The following KLF12 variants were observed in gnomAD, a reference collection of about 807,000 sequenced individuals.
KLF12 encodes the protein Krueppel-like factor 12.
A neutral mutation model predicts 37.8 loss-of-function variants in KLF12; 9 were observed. That is an observed-to-expected ratio of 0.24 (90% CI 0.14 to 0.42). The LOEUF (loss-of-function observed/expected upper bound fraction) is 0.42. KLF12 is among the 10% of genes least tolerant of loss of function. The pLI, the probability that KLF12 is intolerant of heterozygous loss-of-function variation, is 1.00. For synonymous variants in KLF12, 208 were observed against 202.1 expected (o/e 1.03, Z -0.25); for missense variants, 411 against 516.0 (o/e 0.80, Z 1.97).
At chr13:73,853,755 G>A (rs149975301) in intron 3 of KLF12, among the ~76,000 whole-genome samples, 1 of 148,212 alleles carries the variant, frequency 6.7e-6, no homozygotes, top group African/African-American at 2.5e-5. Context: ...AAAAAAAAAT[G>A]GTAAGCAGAC....
chr13:74,000,570 T>G (rs1246002054), intron 1 of KLF12, among the ~76,000 whole-genome samples: 4 of 152,208 alleles, frequency 2.6e-5, no homozygotes, highest in Non-Finnish European at 5.9e-5. Context: ...TCTTCACTAC[T>G]TAAAATAGCA....
At chr13:74,187,752 C>A in the KLF12 span, among the ~76,000 whole-genome samples, 1 of 152,102 alleles carries the variant, frequency 6.6e-6, no homozygotes, top group Non-Finnish European at 1.5e-5. Flanking sequence ...ACTCAGCAAG[C>A]CTTCATTCTG....
chr13:74,211,191 C>T, the KLF12 span, among the ~76,000 whole-genome samples: 1 of 152,164 alleles, frequency 6.6e-6, no homozygotes, highest in South Asian at 2.1e-4. Flanking sequence ...TGCTCAATGG[C>T]ATCTCTGAAT....
At chr13:73,845,734 T>A in intron 4 of KLF12, 93 bp downstream of exon 4, 3 of 1,123,870 alleles carry the variant, frequency 2.7e-6, no homozygotes, top group South Asian at 1.5e-5. Flanking sequence ...CTTCTTTAGA[T>A]GTAGTGTTTG....
chr13:73,705,199 A>G (rs1874845442), intron 7 of KLF12, among the ~76,000 whole-genome samples: 1 of 152,246 alleles, frequency 6.6e-6, no homozygotes, highest in African/African-American at 2.4e-5. Flanking sequence ...TTTAAAATAT[A>G]TCTCTTACAA....
At chr13:74,205,869 G>T in the KLF12 span, among the ~76,000 whole-genome samples, 1 of 152,058 alleles carries the variant, frequency 6.6e-6, no homozygotes, top group African/African-American at 2.4e-5. Context: ...TTTTATAGTA[G>T]GGAGAGAAAA....
chr13:73,944,576 G>GA (rs1318703105), intron 2 of KLF12, among the ~76,000 whole-genome samples: 1 of 152,082 alleles, frequency 6.6e-6, no homozygotes, highest in African/African-American at 2.4e-5. Context: ...CTGGTCAAAT[G>GA]AAAATTTCTA....
intron 1 of KLF12, among the ~76,000 whole-genome samples, chr13:74,014,757 C>A (rs1234993568): frequency 6.6e-6 from 1 of 152,100 alleles, no homozygotes; most frequent in South Asian, 2.1e-4. Flanking sequence ...CCAAGGTCTC[C>A]GTCTGTAAAG....
At chr13:74,120,936 A>G (rs1478531070) in intron 1 of KLF12, among the ~76,000 whole-genome samples, 1 of 152,166 alleles carries the variant, frequency 6.6e-6, no homozygotes, top group African/African-American at 2.4e-5. Context: ...ATCAAGCCCA[A>G]ATAGAGCAAG....
chr13:73,949,428 TA>T (rs1890564191), intron 2 of KLF12, among the ~76,000 whole-genome samples: 2 of 152,232 alleles, frequency 1.3e-5, no homozygotes, highest in African/African-American at 4.8e-5. Context: ...AAGCTATTAA[TA>T]TTTTTTTTCC....
At chr13:73,911,105 A>T (rs191287490) in intron 3 of KLF12, among the ~76,000 whole-genome samples, 31 of 152,310 alleles carry the variant, frequency 2.0e-4, no homozygotes, top group African/African-American at 7.2e-4. Context: ...TTTATTATCA[A>T]ATTTTTACCA....
chr13:73,883,322 T>C lies in KLF12; in HGVS notation c.124-36949A>G, dbSNP rs562005688. Among the ~76,000 whole-genome samples, 28 of 152,278 alleles carry C rather than the reference T, an allele frequency of 1.8e-4. No individual in the cohort carries two copies. In the South Asian group the frequency reaches 3.9e-3, roughly 21 times the overall value. On this transcript the variant is annotated intron_variant, in intron 3 of 7. Transcript: ENST00000377669. ...CTCTTTGTTGAAGTACCAGTTATCA[T>C]ACAAGCCTTAGGAATGCGTGGCACA...
chr13:74,239,879 G>C, the KLF12 span, among the ~76,000 whole-genome samples: 1 of 151,436 alleles, frequency 6.6e-6, no homozygotes, highest in Non-Finnish European at 1.5e-5. Flanking sequence ...CACACTGATG[G>C]GTCTTGACTC....
chr13:73,859,097 G>A (rs906948250), intron 3 of KLF12, among the ~76,000 whole-genome samples: 2 of 152,162 alleles, frequency 1.3e-5, no homozygotes, highest in African/African-American at 2.4e-5. Context: ...TATGGGAGGA[G>A]CCTCTCTGTC....
intron 1 of KLF12, among the ~76,000 whole-genome samples, chr13:74,097,164 C>T (rs1876028483): frequency 6.6e-6 from 1 of 152,094 alleles, no homozygotes; most frequent in African/African-American, 2.4e-5. Flanking sequence ...CCAAGAACTA[C>T]GTTTAAAGAT....
intron 3 of KLF12, among the ~76,000 whole-genome samples, chr13:73,865,661 G>C (rs566724224): frequency 1.3e-5 from 2 of 152,040 alleles, no homozygotes; most frequent in East Asian, 1.9e-4. Flanking sequence ...ACTAAAAGGA[G>C]AGAAATAGAT....
chr13:73,932,770 A>G (rs1285019260), intron 3 of KLF12, among the ~76,000 whole-genome samples: 2 of 152,190 alleles, frequency 1.3e-5, no homozygotes, highest in African/African-American at 2.4e-5. Flanking sequence ...GATTCAAAAG[A>G]GTTCACATTT....
chr13:74,226,988 A>C, the KLF12 span, among the ~76,000 whole-genome samples: 1 of 152,154 alleles, frequency 6.6e-6, no homozygotes, highest in South Asian at 2.1e-4. Context: ...GGTTTTCTGC[A>C]TACTGCTCAG....
At chr13:74,177,315 G>T in the KLF12 span, among the ~76,000 whole-genome samples, 3 of 152,164 alleles carry the variant, frequency 2.0e-5, no homozygotes, top group Admixed American at 6.6e-5. Flanking sequence ...TGTAAATTCA[G>T]AAGGTGTGAA....
Sources: allele counts gnomAD v4.1 joint callset (sites outside exome capture counted in the v4.1 genomes callset), GRCh38; gene constraint gnomAD v4.1.1; transcripts MANE v1.5; gene names NCBI Gene and HGNC (gene_info 2026-07-23, HGNC 2026-07-21).